Variants in SHTN1 observed in about 807,000 individuals in gnomAD.
The protein encoded by SHTN1 is shootin 1, also known as shootin-1.
SHTN1 carries 42 observed loss-of-function variants against 83.1 expected under a neutral mutation model. That is an observed-to-expected ratio of 0.51 (90% confidence interval 0.39 to 0.65). SHTN1 has a LOEUF of 0.65. Among genes scored for constraint, SHTN1 ranks in the 30% least tolerant of loss-of-function variants. The probability of loss-of-function intolerance (pLI) is 0.00; values close to 1 mark genes in which losing one functional copy is unlikely to be tolerated. For synonymous variants in SHTN1, 224 were observed against 247.7 expected (o/e 0.90, Z 0.90); for missense variants, 622 against 737.8 (o/e 0.84, Z 1.82).
intron 16 of SHTN1, among the ~76,000 whole-genome samples, chr10:116,893,607 A>C (rs948549455): frequency 4.1e-4 from 1 of 2,460 alleles, no homozygotes; most frequent in Non-Finnish European, 1.3e-3. Flanking sequence ...CGAGAAAGAA[A>C]GCGGAGAAGC....
chr10:116,882,015 G>A lies in SHTN1; in HGVS notation c.*4329C>T, dbSNP rs1288850408. Reference sequence around the variant, plus strand: ...CCTTTACCAATCAGAATATCTCTGAGAACAAAAACCTAATGACCCTAGAAG... The same window carrying A: ...CCTTTACCAATCAGAATATCTCTGAAAACAAAAACCTAATGACCCTAGAAG... On this transcript the variant is annotated 3_prime_UTR_variant, in exon 17 of 17. Transcript: ENST00000355371. 1 of 179,472 alleles carries A rather than the reference G, an allele frequency of 5.6e-6. No homozygotes were observed. Among genetic ancestry groups the A allele is most frequent in the African/African-American group, 2.3e-5 (1 of 42,614 alleles). The allele number at this position is 179,472 out of a possible 1,614,324, so 11.1% of individuals were successfully genotyped here.
At chr10:117,024,487 T>G (rs902026032) in intron 2 of SHTN1, among the ~76,000 whole-genome samples, 1 of 151,330 alleles carries the variant, frequency 6.6e-6, no homozygotes, top group Non-Finnish European at 1.5e-5. Flanking sequence ...CCCGAGTAGC[T>G]GGGACTACAG....
At chr10:116,960,048 G>T in intron 4 of SHTN1, 88 bp downstream of exon 4, 1 of 750,794 alleles carries the variant, frequency 1.3e-6, no homozygotes, top group South Asian at 1.6e-5. Flanking sequence ...TAGAGAAGTA[G>T]AAAAGCAAAA....
Position 116,940,509 on chromosome 10 carries a change from A to G in SHTN1, c.815T>C (p.Leu272Pro). The change falls in exon 9 of 17, where the codon CTC (leucine) becomes CCC (proline). Residue 272 changes from leucine (L) to proline (P), a missense_variant. Transcript: ENST00000355371. ...TCTCTCTTCTTCAAGTTGCTGGGTGAGTTTTGCATTTTCGTCTAAAGCTTT... is the reference window on the plus strand; with the variant it reads ...TCTCTCTTCTTCAAGTTGCTGGGTGGGTTTTGCATTTTCGTCTAAAGCTTT... ...LLKALDENAKLTQQLEEERIQ... is the reference protein window; with the variant it reads ...LLKALDENAKPTQQLEEERIQ... 1 of 1,613,992 alleles carries G rather than the reference A, an allele frequency of 6.2e-7. No homozygotes were observed. The highest frequency in any genetic ancestry group is 8.5e-7 in the Non-Finnish European group (1 of 1,179,960).
chr10:117,004,867 G>A (rs1851954690), intron 1 of SHTN1, among the ~76,000 whole-genome samples, 155 bp downstream of exon 1: 1 of 152,200 alleles, frequency 6.6e-6, no homozygotes, highest in Non-Finnish European at 1.5e-5. Context: ...GCCGGCCACG[G>A]AGGACGCTTC....
Position 116,901,787 on chromosome 10 carries a change from T to C in SHTN1, c.1651A>G (p.Thr551Ala). ...TACTGAAACGTAACCTTGGAACTTGTGCATCCTTCCAATTTACGGGGCCCT... is the reference window on the plus strand; with the variant it reads ...TACTGAAACGTAACCTTGGAACTTGCGCATCCTTCCAATTTACGGGGCCCT... ...GEGPRKLEGC[T>A]SSKVTFQPPS... Residue 551 changes from threonine to alanine, a missense_variant, in exon 16 of 17, where the codon ACA becomes GCA. Thr to Ala is a moderately conservative substitution (Grantham distance 58). This residue lies in a region of SHTN1 where 231 missense variants were observed against 251.6 expected (regional missense o/e 0.92). Transcript: ENST00000355371. 2 of 1,603,084 alleles carry C rather than the reference T, an allele frequency of 1.2e-6. No homozygotes were observed. Among genetic ancestry groups the C allele is most frequent in the Non-Finnish European group, 1.7e-6 (2 of 1,176,682 alleles).
At position 117,016,770 on chromosome 10, in the gene SHTN1, AG is replaced by A. The variant is rs200162929; in HGVS notation, c.-123+31674del. Among the ~76,000 whole-genome samples, 1,136 of 152,334 alleles carry A rather than the reference AG, an allele frequency of 7.5e-3. 7 individuals carry two copies. Among genetic ancestry groups the A allele is most frequent in the Non-Finnish European group, 0.012 (787 of 68,030 alleles). The stretch of plus-strand genomic sequence containing the variant: ...CAAACATTGTATCAGAATTAACATA[AG>A]AAAGGAAGGCTAGAATGAACCCTAT... On this transcript the variant is annotated intron_variant, in intron 2 of 17. Coordinates refer to the SHTN1 transcript ENST00000392901.
upstream of SHTN1, chr10:117,005,443 G>GCCTCCA (rs1165410081): frequency 4.4e-4 from 466 of 1,060,362 alleles, no homozygotes; most frequent in Middle Eastern, 2.7e-3. Context: ...CCTTTTCTCC[G>GCCTCCA]CCTCCACCTC....
At chr10:116,953,570 T>C (rs1437159358) in intron 5 of SHTN1, among the ~76,000 whole-genome samples, 2 of 150,804 alleles carry the variant, frequency 1.3e-5, no homozygotes, top group East Asian at 2.0e-4. Flanking sequence ...AATTGGCCTA[T>C]GGTGTAGCAA....
In SHTN1 at chr10:116,906,652, C is replaced by G. The variant is rs776393217; in HGVS notation, c.1455G>C (p.Lys485Asn). ...TELERILRRR[K>N]VTAEADSSSP... ...TACTGCTATCTGCTTCTGCTGTCAC[C>G]TTTCTGCGACGCAAAATCCTTTCTA... The change falls in exon 15 of 17, where the codon AAG becomes AAC. Residue 485 changes from lysine (K) to asparagine (N), a missense_variant. This residue lies in a region of SHTN1 where 231 missense variants were observed against 251.6 expected (regional missense o/e 0.92). Transcript: ENST00000355371. 6.2e-7 allele frequency: 1 copy of G among 1,613,366 alleles called. No individual in the cohort carries two copies. The highest frequency in any genetic ancestry group is 8.5e-7 in the Non-Finnish European group (1 of 1,179,556).
At chr10:117,041,067 T>A (rs1434681767) in intron 2 of SHTN1, among the ~76,000 whole-genome samples, 1 of 152,132 alleles carries the variant, frequency 6.6e-6, no homozygotes, top group African/African-American at 2.4e-5. Flanking sequence ...CATTTAACAT[T>A]AGGTATATCT....
intron 10 of SHTN1, among the ~76,000 whole-genome samples, chr10:116,929,296 T>C (rs1288890034): frequency 2.0e-5 from 3 of 152,196 alleles, no homozygotes; most frequent in Non-Finnish European, 4.4e-5. Flanking sequence ...TAGAACTGAA[T>C]GAATAAATCT....
At chr10:116,923,177 T>C (rs1436272243) in intron 11 of SHTN1, among the ~76,000 whole-genome samples, 1 of 152,092 alleles carries the variant, frequency 6.6e-6, no homozygotes, top group Non-Finnish European at 1.5e-5. Flanking sequence ...GTGGTTATCT[T>C]TGGAAAAGGA....
chr10:117,053,153 A>G (rs1212583917), intron 1 of SHTN1, among the ~76,000 whole-genome samples: 1 of 151,774 alleles, frequency 6.6e-6, no homozygotes, highest in Non-Finnish European at 1.5e-5. Flanking sequence ...TGGAAGAAAG[A>G]AGTATTCATA....
chr10:117,039,910 G>A (rs779824741), intron 2 of SHTN1, among the ~76,000 whole-genome samples: 47 of 151,468 alleles, frequency 3.1e-4, no homozygotes, highest in Admixed American at 6.6e-4. Context: ...GAGAGCAGAC[G>A]GTGTTTGGGG....
chr10:116,993,870 T>A (rs1338880397), intron 1 of SHTN1, among the ~76,000 whole-genome samples: 1 of 152,148 alleles, frequency 6.6e-6, no homozygotes, highest in Non-Finnish European at 1.5e-5. Context: ...AGTATATAGA[T>A]CATTTTCAAG....
At chr10:117,076,902 C>T (rs1853165416) in intron 1 of SHTN1, among the ~76,000 whole-genome samples, 1 of 152,114 alleles carries the variant, frequency 6.6e-6, no homozygotes, top group African/African-American at 2.4e-5. Context: ...TGCACAGTAT[C>T]CATTATTATT....
chr10:116,887,740 G>C (rs1847211495), intron 16 of SHTN1, among the ~76,000 whole-genome samples: 2 of 152,178 alleles, frequency 1.3e-5, no homozygotes, highest in South Asian at 4.1e-4. Context: ...GGACTGTTTA[G>C]CTTTACTCAC....
chr10:117,030,358 A>G (rs965945219), intron 2 of SHTN1, among the ~76,000 whole-genome samples: 2 of 152,160 alleles, frequency 1.3e-5, no homozygotes, highest in Non-Finnish European at 2.9e-5. Flanking sequence ...CCTTTTGAAT[A>G]TCTGGAAACC....
Sources: gnomAD v4.1 joint callset for allele counts (sites outside exome capture counted in the v4.1 genomes callset) on GRCh38, gnomAD v4.1.1 for gene constraint, gnomAD v4.1.1 regional missense constraint, MANE v1.5 for transcripts, NCBI Gene and HGNC (gene_info 2026-07-23, HGNC 2026-07-21) for gene names.